Variants in RALYL observed in about 807,000 individuals in gnomAD.
RALYL encodes RALY RNA binding protein like, also known as RNA-binding Raly-like protein.
Under a neutral mutation model 35.1 loss-of-function variants are expected in RALYL, and 29 were observed. The ratio of observed to expected loss-of-function variants is 0.83; its 90% CI spans 0.61 to 1.13. RALYL has a LOEUF of 1.13. Ranked by LOEUF, RALYL falls within the 50% of genes most tolerant of loss-of-function variation. The pLI is 0.00. For missense variants in RALYL, 359 were observed against 360.4 expected (o/e 1.00, Z 0.03); for synonymous variants, 120 against 127.6 (o/e 0.94, Z 0.40).
intron 2 of RALYL, among the ~76,000 whole-genome samples, chr8:84,659,430 C>T (rs1212237614): frequency 6.6e-6 from 1 of 152,014 alleles, no homozygotes; most frequent in East Asian, 1.9e-4. Flanking sequence ...ATGAGGGCCA[C>T]CCCTGAAGAG....
rs1587656659 is a variant in RALYL, at chr8:84,478,922, T to TAAAAAAAAA, written c.-23-50372_-23-50371insAAAAAAAAA. Among the ~76,000 whole-genome samples the TAAAAAAAAA allele has an allele frequency of 1.4e-3, 118 of 85,106 alleles. 4 individuals carry two copies. The highest frequency in any genetic ancestry group is 2.6e-3 in the East Asian group (6 of 2,346). The allele number at this position is 85,106 out of a possible 152,430, so 55.8% of individuals were successfully genotyped here. ...TAACACCGTGAAACCCCGTCTCTACTAAAAATACAAAACATTAGCCGGGCA... is the reference window on the plus strand; with the variant it reads ...TAACACCGTGAAACCCCGTCTCTACTAAAAAAAAAAAAAATACAAAACATTAGCCGGGCA... On this transcript the variant is annotated intron_variant, in intron 1 of 8. Coordinates refer to ENST00000521268, the MANE Select transcript of RALYL (RefSeq NM_173848.7).
intron 2 of RALYL, among the ~76,000 whole-genome samples, chr8:84,549,865 T>C: frequency 6.6e-6 from 1 of 152,204 alleles, no homozygotes; most frequent in East Asian, 1.9e-4. Flanking sequence ...GCTAAACTCC[T>C]CAACCTTGTC....
At chr8:84,534,077 G>C (rs1170594799) in intron 2 of RALYL, among the ~76,000 whole-genome samples, 1 of 152,218 alleles carries the variant, frequency 6.6e-6, no homozygotes, top group Non-Finnish European at 1.5e-5. Context: ...AACCTTTGCT[G>C]TGGGCTACAA....
chr8:84,687,163 G>A (rs1008359396), intron 2 of RALYL, among the ~76,000 whole-genome samples: 2 of 152,022 alleles, frequency 1.3e-5, no homozygotes, highest in East Asian at 3.9e-4. Context: ...GTTCCTTGAG[G>A]TTTAACCTAT....
intron 1 of RALYL, among the ~76,000 whole-genome samples, chr8:84,200,362 A>T (rs1360773149): frequency 6.6e-6 from 1 of 152,170 alleles, no homozygotes; most frequent in African/African-American, 2.4e-5. Flanking sequence ...TCAGGTATTG[A>T]TTAACTTTAA....
chr8:84,311,783 A>C (rs954795722), intron 1 of RALYL, among the ~76,000 whole-genome samples: 1 of 152,246 alleles, frequency 6.6e-6, no homozygotes, highest in Non-Finnish European at 1.5e-5. Flanking sequence ...CAATATTTCA[A>C]TCATTTAAGA....
chr8:84,237,923 A>G (rs1037658605), intron 1 of RALYL, among the ~76,000 whole-genome samples: 3 of 152,092 alleles, frequency 2.0e-5, no homozygotes, highest in Admixed American at 6.6e-5. Flanking sequence ...AAGAGGCCAA[A>G]GATTTTTTTT....
intron 8 of RALYL, among the ~76,000 whole-genome samples, chr8:84,907,328 A>T (rs1436032222): frequency 6.6e-6 from 1 of 151,740 alleles, no homozygotes; most frequent in African/African-American, 2.4e-5. Context: ...ACACACACAC[A>T]CACACACACA....
At chr8:84,859,832 G>C (rs912952020) in intron 5 of RALYL, among the ~76,000 whole-genome samples, 6 of 152,022 alleles carry the variant, frequency 3.9e-5, no homozygotes, top group African/African-American at 1.5e-4. Flanking sequence ...GTGACAGAGT[G>C]ACACTCTGTC....
intron 1 of RALYL, among the ~76,000 whole-genome samples, chr8:84,503,153 T>G (rs944973753): frequency 4.6e-5 from 7 of 152,066 alleles, no homozygotes; most frequent in South Asian, 4.2e-4. Flanking sequence ...TTACTTTTCT[T>G]TCTCTTTTTT....
chr8:84,805,743 A>G (rs997018276), intron 4 of RALYL, among the ~76,000 whole-genome samples: 3 of 152,180 alleles, frequency 2.0e-5, no homozygotes, highest in Non-Finnish European at 2.9e-5. Flanking sequence ...ATGAGTGCAC[A>G]TGTTCTATTT....
intron 1 of RALYL, among the ~76,000 whole-genome samples, chr8:84,235,138 T>C (rs1311848118): frequency 6.6e-6 from 1 of 152,206 alleles, no homozygotes; most frequent in Non-Finnish European, 1.5e-5. Context: ...ATTATGAATA[T>C]TTTATGACAA....
intron 4 of RALYL, among the ~76,000 whole-genome samples, chr8:84,849,052 A>T (rs2134766291): frequency 6.6e-6 from 1 of 152,312 alleles, no homozygotes; most frequent in African/African-American, 2.4e-5. Flanking sequence ...TCTTCAGGTT[A>T]TGCTGTCCAA....
intron 7 of RALYL, among the ~76,000 whole-genome samples, chr8:84,887,358 C>A (rs1366862606): frequency 6.6e-6 from 1 of 152,146 alleles, no homozygotes; most frequent in Non-Finnish European, 1.5e-5. Context: ...TGTACTACTA[C>A]CATCTGGATT....
chr8:84,787,117 G>T (rs183308411), intron 3 of RALYL, among the ~76,000 whole-genome samples: 1 of 151,978 alleles, frequency 6.6e-6, no homozygotes, highest in African/African-American at 2.4e-5. Context: ...CCATCAACCC[G>T]TCATCTACAT....
chr8:84,481,991 G>A (rs1233107437), intron 1 of RALYL, among the ~76,000 whole-genome samples: 4 of 151,926 alleles, frequency 2.6e-5, no homozygotes, highest in African/African-American at 9.7e-5. Context: ...AAGAGAAAAA[G>A]CAAACTAAAA....
At chr8:84,449,451 C>A (rs1453658190) in intron 1 of RALYL, among the ~76,000 whole-genome samples, 1 of 151,980 alleles carries the variant, frequency 6.6e-6, no homozygotes, top group African/African-American at 2.4e-5. Context: ...GTGCCTTCCA[C>A]CTTAAGTGTC....
chr8:84,808,404 T>G (rs1344049598), intron 4 of RALYL, among the ~76,000 whole-genome samples: 1 of 152,204 alleles, frequency 6.6e-6, no homozygotes, highest in Non-Finnish European at 1.5e-5. Flanking sequence ...TTGGTGACTA[T>G]GTCCTTGTAA....
intron 2 of RALYL, among the ~76,000 whole-genome samples, chr8:84,586,110 A>C (rs1811941639): frequency 6.6e-6 from 1 of 151,578 alleles, no homozygotes; most frequent in Admixed American, 6.6e-5. Context: ...CAGGAGAATC[A>C]CTTGAACTCA....
Sources: gnomAD v4.1 joint callset for allele counts (sites outside exome capture counted in the v4.1 genomes callset) on GRCh38, gnomAD v4.1.1 for gene constraint, MANE v1.5 for transcripts, NCBI Gene and HGNC (gene_info 2026-07-23, HGNC 2026-07-21) for gene names.